The following EPHB1 variants were observed in gnomAD, a reference collection of about 807,000 sequenced individuals.
EPHB1 encodes EPH receptor B1.
Under a neutral mutation model 94.4 loss-of-function variants are expected in EPHB1, and 30 were observed. The observed-to-expected ratio is 0.32, with a 90% confidence interval of 0.24 to 0.43. EPHB1 has a LOEUF of 0.43. Among genes scored for constraint, EPHB1 ranks in the 20% least tolerant of loss-of-function variants. The pLI is 1.00. For missense variants in EPHB1, 1,055 were observed against 1,308.3 expected, an observed-to-expected ratio of 0.81 and a Z score of 2.99; for synonymous variants, 522 against 489.1, an observed-to-expected ratio of 1.07 and a Z score of -0.89.
intron 2 of EPHB1, among the ~76,000 whole-genome samples, chr3:134,938,193 C>A (rs1033643596): frequency 6.6e-6 from 1 of 152,160 alleles, no homozygotes; most frequent in Non-Finnish European, 1.5e-5. Context: ...GCAGTGTCAA[C>A]AGCAGCAGCA....
At chr3:134,863,608 G>A (rs982544398) in intron 1 of EPHB1, among the ~76,000 whole-genome samples, 1 of 152,208 alleles carries the variant, frequency 6.6e-6, no homozygotes, top group Non-Finnish European at 1.5e-5. Flanking sequence ...TTGGTTTGAG[G>A]GAATGGTAGC....
chr3:134,959,304 C>A (rs1310481168), intron 3 of EPHB1, among the ~76,000 whole-genome samples: 1 of 152,012 alleles, frequency 6.6e-6, no homozygotes, highest in African/African-American at 2.4e-5. Flanking sequence ...AGAGAGGGGT[C>A]CGCCAGGAGC....
intron 12 of EPHB1, among the ~76,000 whole-genome samples, chr3:135,202,508 AC>A (rs1440228592): frequency 5.9e-5 from 9 of 152,140 alleles, no homozygotes; most frequent in African/African-American, 2.2e-4. Context: ...CTGGATTGTT[AC>A]AGTGGCTTCC....
intron 5 of EPHB1, among the ~76,000 whole-genome samples, chr3:135,145,719 A>C (rs1351408831): frequency 6.6e-6 from 1 of 152,154 alleles, no homozygotes; most frequent in Admixed American, 6.5e-5. Context: ...CACCACAGAG[A>C]AGAACTTCTA....
chr3:135,081,019 C>T (rs1938144780), intron 3 of EPHB1, among the ~76,000 whole-genome samples: 1 of 152,198 alleles, frequency 6.6e-6, no homozygotes, highest in African/African-American at 2.4e-5. Flanking sequence ...CATTCAGCCT[C>T]TTCCAGTTCA....
At chr3:135,073,669 C>G (rs1576363213) in intron 3 of EPHB1, among the ~76,000 whole-genome samples, 1 of 151,458 alleles carries the variant, frequency 6.6e-6, no homozygotes, top group Non-Finnish European at 1.5e-5. Context: ...GTCTTTCTCT[C>G]TTTTTTTTTA....
intron 4 of EPHB1, among the ~76,000 whole-genome samples, chr3:135,124,169 G>T (rs984607497): frequency 6.6e-6 from 1 of 151,652 alleles, no homozygotes; most frequent in African/African-American, 2.4e-5. Flanking sequence ...CCACCTCAGG[G>T]CCTTTGCACA....
At chr3:134,932,017 ATGTGTGTGTGTT>A (rs1314378319) in intron 2 of EPHB1, among the ~76,000 whole-genome samples, 1 of 149,706 alleles carries the variant, frequency 6.7e-6, no homozygotes, top group East Asian at 1.9e-4. Context: ...ATATGCTTGT[ATGTGTGTGTGTT>A]TGTGTGTGTG....
At chr3:135,160,975 C>A (rs529010123) in intron 6 of EPHB1, among the ~76,000 whole-genome samples, 15 of 152,232 alleles carry the variant, frequency 9.9e-5, no homozygotes, top group African/African-American at 3.6e-4. Context: ...TATGAAGGAC[C>A]TGTGAATCTA....
intron 3 of EPHB1, among the ~76,000 whole-genome samples, chr3:135,020,553 T>C (rs1935955387): frequency 6.6e-6 from 1 of 152,236 alleles, no homozygotes; most frequent in African/African-American, 2.4e-5. Context: ...TTGGTTTCTT[T>C]TGCCTAGCAA....
At chr3:135,231,641 C>T (rs528120059) in intron 12 of EPHB1, among the ~76,000 whole-genome samples, 14 of 152,238 alleles carry the variant, frequency 9.2e-5, no homozygotes, top group African/African-American at 2.6e-4. Context: ...ATTACTAGTA[C>T]GAAATACATT....
chr3:134,951,538 C>T lies in EPHB1; in HGVS notation c.291C>T (p.Ser97=), dbSNP rs200331680. 1 of 1,613,922 alleles carries T rather than the reference C, an allele frequency of 6.2e-7. No homozygotes were observed. The highest frequency in any genetic ancestry group is 8.5e-7 in the Non-Finnish European group (1 of 1,179,868). Residue 97 remains serine (S), a synonymous_variant, in exon 3 of 16, where the codon AGC becomes AGT. Transcript: ENST00000398015. The surrounding 1 kb of genome is among the most constrained non-coding windows in gnomAD (Gnocchi z 4.5). ...TEMRFTVRDC[S]SLPNVPGSCK... ...TGCGCTTCACTGTGAGAGACTGCAG[C>T]AGCCTCCCTAATGTCCCAGGATCCT...
intron 13 of EPHB1, among the ~76,000 whole-genome samples, chr3:135,246,634 A>G (rs1303414827): frequency 6.6e-6 from 1 of 152,096 alleles, no homozygotes; most frequent in African/African-American, 2.4e-5. Flanking sequence ...TCATGCCTCC[A>G]TTTTCTCATG....
intron 4 of EPHB1, among the ~76,000 whole-genome samples, chr3:135,111,922 C>A (rs1033653148): frequency 6.6e-6 from 1 of 152,158 alleles, no homozygotes; most frequent in East Asian, 1.9e-4. Flanking sequence ...TTGTGATCTG[C>A]CCGCCTCAGC....
At chr3:135,177,150 A>G (rs1209354232) in intron 9 of EPHB1, among the ~76,000 whole-genome samples, 1 of 152,166 alleles carries the variant, frequency 6.6e-6, no homozygotes, top group Non-Finnish European at 1.5e-5. Context: ...TACCGCCCTC[A>G]TAGGCAGAGG....
chr3:134,915,440 C>T (rs1408003619), intron 1 of EPHB1, among the ~76,000 whole-genome samples: 3 of 152,114 alleles, frequency 2.0e-5, no homozygotes, highest in Non-Finnish European at 4.4e-5. Flanking sequence ...GGCAAACCAC[C>T]AGAAGCAAGA....
intron 3 of EPHB1, among the ~76,000 whole-genome samples, chr3:135,083,210 A>G (rs922480211): frequency 6.6e-6 from 1 of 152,110 alleles, no homozygotes; most frequent in East Asian, 1.9e-4. Flanking sequence ...ATTGGGCTCC[A>G]TTGTGAAGGC....
intron 1 of EPHB1, among the ~76,000 whole-genome samples, chr3:134,916,329 G>A (rs913287082): frequency 6.6e-6 from 1 of 152,272 alleles, no homozygotes; most frequent in Non-Finnish European, 1.5e-5. Context: ...AGGTGGAGCT[G>A]CCTGCCAGTC....
intron 3 of EPHB1, among the ~76,000 whole-genome samples, chr3:134,997,347 T>A (rs1272567604): frequency 6.6e-6 from 1 of 152,228 alleles, no homozygotes; most frequent in Non-Finnish European, 1.5e-5. Flanking sequence ...GGTCTCCTTC[T>A]GGTGATTTTT....
Sources: allele counts gnomAD v4.1 joint callset (sites outside exome capture counted in the v4.1 genomes callset), GRCh38; gene constraint gnomAD v4.1.1; non-coding constraint Gnocchi (gnomAD v3.1); transcripts MANE v1.5; gene names NCBI Gene and HGNC (gene_info 2026-07-23, HGNC 2026-07-21).